Variants in GRM1 observed in about 807,000 individuals in gnomAD.
GRM1 encodes the protein metabotropic glutamate receptor 1.
GRM1 carries 33 observed loss-of-function variants against 90.9 expected under a neutral mutation model. The ratio of observed to expected loss-of-function variants is 0.36; its 90% CI spans 0.28 to 0.49. The LOEUF is 0.49. Ranked by LOEUF, GRM1 falls within the 20% of genes least tolerant of loss-of-function variation. The probability of loss-of-function intolerance (pLI) is 0.99; values close to 1 mark genes in which losing one functional copy is unlikely to be tolerated. For synonymous variants in GRM1, 700 were observed against 613.2 expected (o/e 1.14, Z -2.09); for missense variants, 1,190 against 1,534.3 (o/e 0.78, Z 3.75).
rs149532158 is a variant in GRM1 at position 146,032,639 on chromosome 6, G to A, written c.700+2422G>A. On this transcript the variant is annotated intron_variant, in intron 1 of 7. Coordinates refer to ENST00000282753, the MANE Select transcript of GRM1 (RefSeq NM_001278064.2). ...ACCACATATCAGGGTTGTCTCTGTC[G>A]TCTGAGCACTATTCAGCAAGGAAGC... Among the ~76,000 whole-genome samples the A allele has an allele frequency of 2.0e-3, 312 of 152,256 alleles. 1 individual carries two copies. The highest frequency in any genetic ancestry group is 3.6e-3 in the Non-Finnish European group (243 of 68,006).
intron 5 of GRM1, among the ~76,000 whole-genome samples, chr6:146,371,429 C>G (rs188094219): frequency 6.6e-6 from 1 of 152,014 alleles, no homozygotes; most frequent in Non-Finnish European, 1.5e-5. Context: ...ATGGAGAATG[C>G]GGTATTCCTT....
At chr6:146,427,133 C>A (rs948742917) in intron 7 of GRM1, among the ~76,000 whole-genome samples, 1 of 152,120 alleles carries the variant, frequency 6.6e-6, no homozygotes, top group East Asian at 1.9e-4. Context: ...TGAGCCTCTG[C>A]TGGGTGCCTC....
intron 2 of GRM1, among the ~76,000 whole-genome samples, chr6:146,218,181 G>T (rs752890376): frequency 6.6e-6 from 1 of 152,090 alleles, no homozygotes; most frequent in Non-Finnish European, 1.5e-5. Flanking sequence ...GCTGGTGAGA[G>T]GAATAGACAC....
At chr6:146,319,817 A>G (rs1187472498) in intron 3 of GRM1, among the ~76,000 whole-genome samples, 2 of 152,178 alleles carry the variant, frequency 1.3e-5, no homozygotes, top group South Asian at 2.1e-4. Flanking sequence ...TTGCTTCTGT[A>G]TCCTGAGACT....
intron 1 of GRM1, among the ~76,000 whole-genome samples, chr6:146,068,995 T>C (rs1188218667): frequency 6.6e-6 from 1 of 152,240 alleles, no homozygotes. Flanking sequence ...TTCTGCTTCT[T>C]GATCTATGTG....
chr6:146,356,068 G>A (rs1785571090), intron 4 of GRM1, among the ~76,000 whole-genome samples: 1 of 152,190 alleles, frequency 6.6e-6, no homozygotes, highest in African/African-American at 2.4e-5. Context: ...AACATGGAAA[G>A]GAGATGTAAG....
At chr6:146,163,987 G>T (rs1777824294) in intron 2 of GRM1, among the ~76,000 whole-genome samples, 1 of 152,008 alleles carries the variant, frequency 6.6e-6, no homozygotes, top group Non-Finnish European at 1.5e-5. Flanking sequence ...TATTTATGTA[G>T]AAGTCAACTT....
At chr6:146,150,157 G>T (rs1290278685) in intron 1 of GRM1, among the ~76,000 whole-genome samples, 4 of 152,090 alleles carry the variant, frequency 2.6e-5, no homozygotes, top group East Asian at 1.9e-4. Context: ...CTGGGGAAGA[G>T]AAATCTGAAT....
intron 1 of GRM1, among the ~76,000 whole-genome samples, chr6:146,158,720 G>A (rs1239543459): frequency 6.6e-6 from 1 of 152,118 alleles, no homozygotes; most frequent in Non-Finnish European, 1.5e-5. Flanking sequence ...TTTTTGAAGT[G>A]TATTTTATTA....
chr6:146,142,457 G>T (rs1165205298), intron 1 of GRM1, among the ~76,000 whole-genome samples: 1 of 152,152 alleles, frequency 6.6e-6, no homozygotes, highest in Non-Finnish European at 1.5e-5. Context: ...GACAAAACAA[G>T]TCAGGCTGTG....
intron 2 of GRM1, among the ~76,000 whole-genome samples, chr6:146,246,916 G>C (rs1781078720): frequency 6.6e-6 from 1 of 152,172 alleles, no homozygotes; most frequent in African/African-American, 2.4e-5. Context: ...TATTAAGGGA[G>C]TCTCTTTTGG....
chr6:146,166,039 C>T (rs1426782877), intron 2 of GRM1, among the ~76,000 whole-genome samples: 1 of 152,088 alleles, frequency 6.6e-6, no homozygotes, highest in Non-Finnish European at 1.5e-5. Flanking sequence ...GTCTGTATGG[C>T]ACTACCCAAT....
chr6:146,361,497 G>T (rs1775468649), intron 5 of GRM1, among the ~76,000 whole-genome samples: 1 of 152,154 alleles, frequency 6.6e-6, no homozygotes, highest in South Asian at 2.1e-4. Flanking sequence ...GAAAGGGGTA[G>T]AAAGGGGAGG....
At chr6:146,337,314 G>A (rs1784810119) in intron 3 of GRM1, among the ~76,000 whole-genome samples, 1 of 152,124 alleles carries the variant, frequency 6.6e-6, no homozygotes, top group Non-Finnish European at 1.5e-5. Context: ...ACTTCTCTGT[G>A]CCTGTTTCTT....
Position 146,121,579 on chromosome 6 carries a change from A to G in GRM1, c.701-37769A>G, listed in dbSNP as rs534413799. On this transcript the variant is annotated intron_variant, in intron 1 of 7. Coordinates refer to ENST00000282753, the MANE Select transcript of GRM1 (RefSeq NM_001278064.2). ...CTTTCTCTTGTGGGCATTTAGTGCT[A>G]TAAATTTCCCTCTACACACTGCTTT... Among the ~76,000 whole-genome samples the G allele has an allele frequency of 7.7e-4, 117 of 152,278 alleles. 3 individuals carry two copies. In the South Asian group the frequency reaches 0.024, roughly 32 times the overall value.
At chr6:146,128,484 C>T (rs973064105) in intron 1 of GRM1, among the ~76,000 whole-genome samples, 1 of 151,926 alleles carries the variant, frequency 6.6e-6, no homozygotes, top group African/African-American at 2.4e-5. Flanking sequence ...CTTATTTCAC[C>T]AATAATATAT....
chr6:146,047,967 T>C lies in GRM1; in HGVS notation c.700+17750T>C, dbSNP rs111999013. On this transcript the variant is annotated intron_variant, in intron 1 of 7. Coordinates refer to ENST00000282753, the MANE Select transcript of GRM1 (RefSeq NM_001278064.2). ...GGTGACAGAGCAAGATCACTCCTTATGTCACTCCTTAATAGCATGCATGGG... is the reference window on the plus strand; with the variant it reads ...GGTGACAGAGCAAGATCACTCCTTACGTCACTCCTTAATAGCATGCATGGG... Among the ~76,000 whole-genome samples, 614 of 152,112 alleles carry C rather than the reference T, an allele frequency of 4.0e-3. 2 individuals carry two copies. The highest frequency in any genetic ancestry group is 0.014 in the African/African-American group (583 of 41,528).
At chr6:146,222,740 A>G (rs1334803850) in intron 2 of GRM1, among the ~76,000 whole-genome samples, 1 of 152,080 alleles carries the variant, frequency 6.6e-6, no homozygotes, top group Non-Finnish European at 1.5e-5. Context: ...ATGTTTAACC[A>G]AATATCCGGG....
upstream of GRM1, among the ~76,000 whole-genome samples, chr6:146,028,135 C>G (rs1790558931): frequency 6.6e-6 from 1 of 152,076 alleles, no homozygotes; most frequent in Non-Finnish European, 1.5e-5. Flanking sequence ...TTTGGCGCCT[C>G]TGTCCCCAAG....
Sources: gnomAD v4.1 joint callset for allele counts (sites outside exome capture counted in the v4.1 genomes callset) on GRCh38, gnomAD v4.1.1 for gene constraint, MANE v1.5 for transcripts, NCBI Gene and HGNC (gene_info 2026-07-23, HGNC 2026-07-21) for gene names.